The following TXLNB variants were observed in gnomAD, a reference collection of about 807,000 sequenced individuals.
The protein encoded by TXLNB is beta-taxilin.
TXLNB carries 37 observed loss-of-function variants against 57.4 expected under a neutral mutation model. The observed-to-expected ratio is 0.64, with a 90% CI of 0.50 to 0.85. The LOEUF (loss-of-function observed/expected upper bound fraction) is 0.85, where lower values mean the gene tolerates loss of function less well. TXLNB is among the 40% of genes least tolerant of loss of function. TXLNB has a pLI of 0.00. For missense variants in TXLNB, 848 were observed against 825.6 expected (o/e 1.03, Z -0.33); for synonymous variants, 302 against 309.6 (o/e 0.98, Z 0.26).
At chr6:139,264,284 T>G (rs1336455865) in intron 4 of TXLNB, among the ~76,000 whole-genome samples, 1 of 152,250 alleles carries the variant, frequency 6.6e-6, no homozygotes, top group Non-Finnish European at 1.5e-5. Context: ...GTTTCCTCAC[T>G]GGTCCTGATT....
chr6:139,318,284 A>G, the TXLNB span, among the ~76,000 whole-genome samples: 334 of 151,188 alleles, frequency 2.2e-3, no homozygotes, highest in Non-Finnish European at 3.9e-3. Flanking sequence ...AAAAAAAAAA[A>G]AAAAGAAAAG....
intron 2 of TXLNB, among the ~76,000 whole-genome samples, chr6:139,281,380 A>C (rs1191611209): frequency 1.3e-5 from 2 of 152,016 alleles, no homozygotes; most frequent in African/African-American, 4.8e-5. Flanking sequence ...GTTTGGTTTT[A>C]AGGCCTGTAT....
chr6:139,218,432 C>T, the TXLNB span, among the ~76,000 whole-genome samples: 1 of 152,132 alleles, frequency 6.6e-6, no homozygotes, highest in Non-Finnish European at 1.5e-5. Context: ...CTTAGGGCAT[C>T]TGCAAAGCAG....
chr6:139,166,683 A>C, the TXLNB span: 2 of 1,613,688 alleles, frequency 1.2e-6, no homozygotes, highest in Non-Finnish European at 1.7e-6. Context: ...GAGGCAAAAA[A>C]GTGCAGGCCC....
At chr6:139,250,961 G>A (rs996980788) in intron 7 of TXLNB, among the ~76,000 whole-genome samples, 3 of 152,138 alleles carry the variant, frequency 2.0e-5, no homozygotes, top group African/African-American at 7.2e-5. Flanking sequence ...ATGTCTCAAA[G>A]TAAAGGCTTT....
chr6:139,181,605 TTAC>T, the TXLNB span, among the ~76,000 whole-genome samples: 1 of 152,212 alleles, frequency 6.6e-6, no homozygotes, highest in African/African-American at 2.4e-5. Context: ...TTCTATATTA[TTAC>T]TAGTCATTGT....
chr6:139,252,934 G>T (rs1776245983), intron 7 of TXLNB, among the ~76,000 whole-genome samples: 1 of 152,192 alleles, frequency 6.6e-6, no homozygotes, highest in African/African-American at 2.4e-5. Context: ...GGAGCTTGCA[G>T]TGAGCTGACA....
the TXLNB span, among the ~76,000 whole-genome samples, chr6:139,226,440 G>A: frequency 6.0e-5 from 9 of 150,196 alleles, no homozygotes; most frequent in African/African-American, 2.2e-4. Flanking sequence ...AAAGGTAAAA[G>A]ATTGATAAAT....
the TXLNB span, among the ~76,000 whole-genome samples, chr6:139,300,756 G>A: frequency 3.3e-5 from 5 of 152,242 alleles, no homozygotes; most frequent in Admixed American, 2.0e-4. Flanking sequence ...ATTAGCCAGC[G>A]TGGTGGCACG....
downstream of TXLNB, among the ~76,000 whole-genome samples, chr6:139,236,848 C>T (rs1036315461): frequency 1.3e-4 from 20 of 152,112 alleles, no homozygotes; most frequent in African/African-American, 4.3e-4. Flanking sequence ...AAGTGATCCT[C>T]CTGATCCACC....
At chr6:139,168,518 T>G in the TXLNB span, among the ~76,000 whole-genome samples, 438 of 152,086 alleles carry the variant, frequency 2.9e-3, 9 homozygotes, top group East Asian at 0.051. Context: ...CTGTCAGATT[T>G]TTTTTGGAAA....
chr6:139,186,290 G>C, the TXLNB span, among the ~76,000 whole-genome samples: 1 of 152,042 alleles, frequency 6.6e-6, no homozygotes, highest in Admixed American at 6.6e-5. Flanking sequence ...AGAATAAAAA[G>C]ACAAGCGCCA....
chr6:139,236,237 C>G (rs1442670376), downstream of TXLNB, among the ~76,000 whole-genome samples: 1 of 152,162 alleles, frequency 6.6e-6, no homozygotes, highest in Non-Finnish European at 1.5e-5. Flanking sequence ...TGCAAGCCAC[C>G]TGCAGACGGC....
the TXLNB span, among the ~76,000 whole-genome samples, chr6:139,208,084 A>G: frequency 3.3e-5 from 5 of 152,166 alleles, no homozygotes; most frequent in Admixed American, 1.3e-4. Flanking sequence ...TCAAACAAAA[A>G]AAAAGAGAGA....
rs200124895 is a variant in TXLNB, at chr6:139,242,640, T to A, written c.1941A>T (p.Ala647=). The A allele has an allele frequency of 2.1e-4, 341 of 1,607,304 alleles. No homozygotes were observed. Among genetic ancestry groups the A allele is most frequent in the Non-Finnish European group, 2.3e-5 (27 of 1,177,036 alleles). ...AEEHVAAMVP[A]CEPSRQPPRA... ...GTGGGGGCTGCCTACTGGGCTCGCA[T>A]GCAGGCACCATGGCTGCAACGTGCT... The change falls in exon 10 of 10, where the codon GCA becomes GCT. Residue 647 remains alanine, a synonymous_variant. Coordinates refer to ENST00000358430, the MANE Select transcript of TXLNB (RefSeq NM_153235.4).
chr6:139,189,051 C>T, the TXLNB span, among the ~76,000 whole-genome samples: 1 of 152,242 alleles, frequency 6.6e-6, no homozygotes. Flanking sequence ...GCCACCATGC[C>T]CGGCCCAGAT....
chr6:139,280,278 A>AAAAAAAAGAG (rs1777014497), intron 2 of TXLNB, among the ~76,000 whole-genome samples: 1 of 151,422 alleles, frequency 6.6e-6, no homozygotes, highest in African/African-American at 2.4e-5. Flanking sequence ...AAAAAAAAGA[A>AAAAAAAAGAG]AGAAAGAAAG....
chr6:139,194,076 C>T, the TXLNB span, among the ~76,000 whole-genome samples: 1 of 151,618 alleles, frequency 6.6e-6, no homozygotes, highest in Admixed American at 6.6e-5. Flanking sequence ...CTCCTGACCT[C>T]GTGATCCGCC....
At chr6:139,266,573 G>A (rs577740510) in intron 4 of TXLNB, among the ~76,000 whole-genome samples, 2 of 152,266 alleles carry the variant, frequency 1.3e-5, no homozygotes, top group African/African-American at 4.8e-5. Flanking sequence ...TATTGGTGAA[G>A]AATGTGAAGA....
Sources: allele counts gnomAD v4.1 joint callset (sites outside exome capture counted in the v4.1 genomes callset), GRCh38; gene constraint gnomAD v4.1.1; transcripts MANE v1.5; gene names NCBI Gene and HGNC (gene_info 2026-07-23, HGNC 2026-07-21).